Variants in USP3 observed in about 807,000 individuals in gnomAD.
USP3 encodes ubiquitin specific peptidase 3.
Under a neutral mutation model 72.3 loss-of-function variants are expected in USP3, and 20 were observed. The observed-to-expected ratio is 0.28, with a 90% CI of 0.19 to 0.40. USP3 has a LOEUF of 0.40. USP3 is among the 10% of genes least tolerant of loss of function. USP3 has a pLI of 1.00. For synonymous variants in USP3, 222 were observed against 225.3 expected, an observed-to-expected ratio of 0.99 and a Z score of 0.13; for missense variants, 479 against 633.9, an observed-to-expected ratio of 0.76 and a Z score of 2.62.
At chr15:63,563,148 A>G in intron 8 of USP3, 140 bp downstream of exon 8, 1 of 527,610 alleles carries the variant, frequency 1.9e-6, no homozygotes, top group Non-Finnish European at 3.1e-6. Flanking sequence ...TTTAAGAAGA[A>G]GAGCTGAAAT....
chr15:63,590,754 T>C lies in USP3; in HGVS notation c.1491T>C (p.Thr497=). The C allele has an allele frequency of 6.2e-7, 1 of 1,614,190 alleles. No homozygotes were observed. Among genetic ancestry groups the C allele is most frequent in the South Asian group, 1.1e-5 (1 of 91,066 alleles). Residue 497 remains threonine (T), a synonymous_variant, in exon 15 of 15, where the codon ACT becomes ACC. Transcript: ENST00000380324. ...CTGTAACACTGACTGACGAGGAGAC[T>C]GTGGTGAAGGCGAAGGCCTACATCC... ...DSTVTLTDEE[T]VVKAKAYILF...
intron 1 of USP3, among the ~76,000 whole-genome samples, chr15:63,510,357 C>G (rs910335297): frequency 6.6e-6 from 1 of 151,972 alleles, no homozygotes. Context: ...CTTTTCTCCC[C>G]TTCTTGAGCT....
intron 11 of USP3, among the ~76,000 whole-genome samples, chr15:63,586,352 T>TA (rs1157886762): frequency 6.6e-6 from 1 of 152,232 alleles, no homozygotes; most frequent in East Asian, 1.9e-4. Flanking sequence ...TCCTTTTTTC[T>TA]AGTTTGAGTG....
In USP3 at chr15:63,532,632, T is replaced by C; in HGVS notation, c.92-15T>C. 1.2e-6 allele frequency: 2 copies of C among 1,613,938 alleles called. No individual in the cohort carries two copies. Among genetic ancestry groups the C allele is most frequent in the Non-Finnish European group, 1.7e-6 (2 of 1,179,866 alleles). ...ATGATGCAATTGGTATATTGTGTAT[T>C]TTTCTTTTTATTAGTGTGCCGGTCC... On this transcript the variant is annotated splice_polypyrimidine_tract_variant and intron_variant, in intron 1 of 14. Transcript: ENST00000380324.
intron 1 of USP3, among the ~76,000 whole-genome samples, chr15:63,517,330 T>C (rs1465120265): frequency 6.6e-6 from 1 of 152,182 alleles, no homozygotes; most frequent in Non-Finnish European, 1.5e-5. Context: ...TGCTATTGTT[T>C]TGCAGTATCT....
intron 4 of USP3, among the ~76,000 whole-genome samples, chr15:63,554,371 T>C (rs1595742796): frequency 6.6e-6 from 1 of 152,210 alleles, no homozygotes; most frequent in East Asian, 1.9e-4. Context: ...ACTATTTATA[T>C]GTGAACAGAC....
intron 11 of USP3, among the ~76,000 whole-genome samples, chr15:63,578,561 G>A (rs1463843544): frequency 6.7e-5 from 10 of 148,316 alleles, no homozygotes; most frequent in Admixed American, 4.7e-4. Context: ...GCAGTGAGCC[G>A]AGACGGCGCC....
intron 11 of USP3, among the ~76,000 whole-genome samples, chr15:63,582,911 G>C (rs1304041274): frequency 6.6e-6 from 1 of 152,182 alleles, no homozygotes; most frequent in Non-Finnish European, 1.5e-5. Context: ...ATGCAGATGA[G>C]TTACTGTGAA....
chr15:63,590,706 C>CTGGTTCCACT lies in USP3; in HGVS notation c.1445_1454dup (p.Phe485LeufsTer6). 1 of 1,613,758 alleles carries CTGGTTCCACT rather than the reference C, an allele frequency of 6.2e-7. No individual in the cohort carries two copies. Among genetic ancestry groups the CTGGTTCCACT allele is most frequent in the Non-Finnish European group, 8.5e-7 (1 of 1,179,818 alleles). On this transcript the variant is annotated frameshift_variant, in exon 15 of 15. Coordinates refer to ENST00000380324, the MANE Select transcript of USP3 (RefSeq NM_006537.4). LOFTEE classifies it high-confidence loss of function. ...CAGCATACGCAACTCACGAAGGCCG[C>CTGGTTCCACT]TGGTTCCACTTCAATGACAGTACTG...
chr15:63,571,654 T>A (rs1002650061), intron 9 of USP3, among the ~76,000 whole-genome samples: 2 of 150,390 alleles, frequency 1.3e-5, no homozygotes, highest in African/African-American at 4.8e-5. Flanking sequence ...ATGGATAGGC[T>A]GTGTGAGGTG....
chr15:63,567,098 CAT>C (rs770477884), intron 8 of USP3, among the ~76,000 whole-genome samples: 6 of 152,314 alleles, frequency 3.9e-5, no homozygotes, highest in South Asian at 2.1e-4. Flanking sequence ...GGTGGGAACA[CAT>C]GAGTCCTTTT....
intron 1 of USP3, among the ~76,000 whole-genome samples, chr15:63,524,255 A>G (rs1248904260): frequency 6.6e-6 from 1 of 152,242 alleles, no homozygotes; most frequent in Non-Finnish European, 1.5e-5. Context: ...TAGAGGGAGT[A>G]GTATAGTCAT....
Position 63,594,037 on chromosome 15 carries a change from A to T in USP3, c.*3211A>T, listed in dbSNP as rs1032155332. On this transcript the variant is annotated 3_prime_UTR_variant, in exon 15 of 15. Coordinates refer to ENST00000380324, the MANE Select transcript of USP3 (RefSeq NM_006537.4). ...CAGATGTACTAGAATTAAACCAGTC[A>T]AGTGTACTGGCCCGGGGTGAGTGTT... The T allele has an allele frequency of 6.6e-6, 1 of 152,258 alleles. No homozygotes were observed. The highest frequency in any genetic ancestry group is 2.4e-5 in the African/African-American group (1 of 41,456). The allele number at this position is 152,258 out of a possible 1,614,324, so 9.4% of individuals were successfully genotyped here.
intron 11 of USP3, among the ~76,000 whole-genome samples, chr15:63,580,660 A>ATATATATATATATATATATATATAT (rs60776150): frequency 5.3e-5 from 6 of 113,022 alleles, no homozygotes; most frequent in African/African-American, 1.9e-4. Context: ...ATGAATATAT[A>ATATATATATATATATATATATATAT]ATATATATAT....
At chr15:63,516,088 AT>A (rs1034381185) in intron 1 of USP3, among the ~76,000 whole-genome samples, 4 of 152,016 alleles carry the variant, frequency 2.6e-5, no homozygotes, top group Non-Finnish European at 5.9e-5. Flanking sequence ...ATAGTGATTC[AT>A]TTTTCTTTCT....
At chr15:63,539,372 G>T (rs926464456) in intron 3 of USP3, among the ~76,000 whole-genome samples, 1 of 152,098 alleles carries the variant, frequency 6.6e-6, no homozygotes, top group African/African-American at 2.4e-5. Flanking sequence ...CAATTAAATC[G>T]CTGTGTGCTA....
At chr15:63,518,997 C>T (rs2065885501) in intron 1 of USP3, among the ~76,000 whole-genome samples, 1 of 152,168 alleles carries the variant, frequency 6.6e-6, no homozygotes, top group South Asian at 2.1e-4. Flanking sequence ...GATCTCTTGA[C>T]CTCATGATCT....
rs966336302 is a variant in USP3, at chr15:63,593,486, A to T, written c.*2660A>T. The T allele has an allele frequency of 1.3e-5, 2 of 152,272 alleles. No individual in the cohort carries two copies. Among genetic ancestry groups the T allele is most frequent in the South Asian group, 4.1e-4 (2 of 4,834 alleles). 9.4% of individuals were successfully genotyped at this position (152,272 alleles called of 1,614,324 possible). On this transcript the variant is annotated 3_prime_UTR_variant, in exon 15 of 15. Transcript: ENST00000380324. Reference sequence around the variant, plus strand: ...TGGTGAAAAAAAGCTGTATTTTTATACCAAATGGAACTTCAGCAACACGTT... The same window carrying T: ...TGGTGAAAAAAAGCTGTATTTTTATTCCAAATGGAACTTCAGCAACACGTT...
intron 7 of USP3, among the ~76,000 whole-genome samples, chr15:63,561,155 T>C (rs762363927): frequency 3.3e-5 from 5 of 152,010 alleles, no homozygotes; most frequent in Non-Finnish European, 5.9e-5. Context: ...GTGCCTGCAT[T>C]CAAGGAGGCT....
Sources: allele counts gnomAD v4.1 joint callset (sites outside exome capture counted in the v4.1 genomes callset), GRCh38; gene constraint gnomAD v4.1.1; transcripts MANE v1.5; gene names NCBI Gene and HGNC (gene_info 2026-07-23, HGNC 2026-07-21).